ITPR3: variants seen among roughly 807,000 people sequenced by gnomAD.
ITPR3 encodes the protein inositol 1,4,5-trisphosphate receptor type 3.
Under a neutral mutation model 293.2 loss-of-function variants are expected in ITPR3, and 173 were observed. The ratio of observed to expected loss-of-function variants is 0.59; its 90% CI spans 0.52 to 0.67. The LOEUF (loss-of-function observed/expected upper bound fraction) is 0.67, where lower values mean the gene tolerates loss of function less well. Ranked by LOEUF, ITPR3 falls within the 30% of genes least tolerant of loss-of-function variation. The probability of loss-of-function intolerance (pLI) is 0.00; values close to 1 mark genes in which losing one functional copy is unlikely to be tolerated. For missense variants in ITPR3, 2,796 were observed against 3,592.1 expected (o/e 0.78, Z 5.66); for synonymous variants, 1,295 against 1,444.4 (o/e 0.90, Z 2.35).
chr6:33,623,326 G>GT (rs60711686), intron 1 of ITPR3, among the ~76,000 whole-genome samples: 24,227 of 136,842 alleles, frequency 0.18, 2,502 homozygotes, highest in Middle Eastern at 0.21. Flanking sequence ...TGTGAGTTTT[G>GT]TTTTTTTTTT....
chr6:33,682,607 C>T lies in ITPR3; in HGVS notation c.4560C>T (p.Gly1520=). The T allele has an allele frequency of 6.3e-7, 1 of 1,598,412 alleles. No individual in the cohort carries two copies. Among genetic ancestry groups the T allele is most frequent in the Non-Finnish European group, 8.5e-7 (1 of 1,173,436 alleles). Residue 1520 remains glycine, a synonymous_variant, in exon 34 of 58, where the codon GGC becomes GGT. Coordinates refer to ENST00000605930, the MANE Select transcript of ITPR3 (RefSeq NM_002224.4). The surrounding 1 kb of genome is among the most constrained non-coding windows in gnomAD (Gnocchi z 5.4). ...ECPWLQQQHK[G]SVEACIRTLA... is the part of the protein sequence containing the mutation. ...CGTGGCTACAGCAGCAGCACAAGGG[C>T]TCCGTGGAGGCCTGCATCCGGACCC...
Position 33,683,731 on chromosome 6 carries a change from G to T in ITPR3, c.4789-289G>T, listed in dbSNP as rs1765145565. ...TGCGCTGTCTCGTTGGCCTGTAGAGGGGGTGTGGTGGATTATTTTCCCCAC... is the reference window on the plus strand; with the variant it reads ...TGCGCTGTCTCGTTGGCCTGTAGAGTGGGTGTGGTGGATTATTTTCCCCAC... On this transcript the variant is annotated intron_variant, in intron 35 of 57. Transcript: ENST00000605930. The surrounding 1 kb of genome is among the most constrained non-coding windows in gnomAD (Gnocchi z 4.5). Among the ~76,000 whole-genome samples the T allele has an allele frequency of 6.6e-6, 1 of 152,194 alleles. No homozygotes were observed. The highest frequency in any genetic ancestry group is 6.5e-5 in the Admixed American group (1 of 15,280).
chr6:33,630,865 G>A (rs7769019), intron 1 of ITPR3, among the ~76,000 whole-genome samples: 141,841 of 152,356 alleles, frequency 0.93, 66,203 homozygotes, highest in East Asian at 0.98. Flanking sequence ...CTGGCCCCCC[G>A]TTGGTTGGCA....
rs376403292 is a variant in ITPR3 at position 33,695,591 on chromosome 6, G to A, written c.7948-121G>A. 4.4e-4 allele frequency: 422 copies of A among 953,110 alleles called. 6 individuals carry two copies. In the East Asian group the frequency reaches 7.2e-3, roughly 16 times the overall value. 59.0% of individuals were successfully genotyped at this position (953,110 alleles called of 1,614,324 possible). A position where few individuals can be genotyped will look rare whatever the true frequency, so the allele number is the denominator to read the frequency against. On this transcript the variant is annotated intron_variant, in intron 57 of 57. Coordinates refer to ENST00000605930, the MANE Select transcript of ITPR3 (RefSeq NM_002224.4). ...GCACCCCGAGGGGCCCTGGCCCGCC[G>A]CCAGTGCCGAATAGCAGCTGGGCCC...
chr6:33,678,798 G>A lies in ITPR3; in HGVS notation c.3931G>A (p.Gly1311Ser). 1 of 1,613,600 alleles carries A rather than the reference G, an allele frequency of 6.2e-7. No homozygotes were observed. Among genetic ancestry groups the A allele is most frequent in the Non-Finnish European group, 8.5e-7 (1 of 1,179,892 alleles). ...CCTGCACACCGTCATTAAGGCCGAGGGCAAGTACGTCAAGAAGTGCCAGGA... is the reference window on the plus strand; with the variant it reads ...CCTGCACACCGTCATTAAGGCCGAGAGCAAGTACGTCAAGAAGTGCCAGGA... ...DFLHTVIKAEGKYVKKCQDMI... is the reference protein window; with the variant it reads ...DFLHTVIKAESKYVKKCQDMI... The change falls in exon 30 of 58, where the codon GGC becomes AGC. Residue 1311 changes from glycine to serine, a missense_variant. Gly to Ser is a moderately conservative substitution (Grantham distance 56). This residue lies in a region of ITPR3 where 344 missense variants were observed against 460.3 expected (regional missense o/e 0.75). Coordinates refer to ENST00000605930, the MANE Select transcript of ITPR3 (RefSeq NM_002224.4).
chr6:33,676,992 C>A (rs1040005454), intron 26 of ITPR3, 23 bp from the exon 27 acceptor site: 1 of 1,613,942 alleles, frequency 6.2e-7, no homozygotes, highest in African/African-American at 1.3e-5. Context: ...CCTGGCTGAT[C>A]TCCTTCCTCT....
Position 33,677,713 on chromosome 6 carries a change from G to A in ITPR3, c.3648+84G>A, listed in dbSNP as rs561449232. 1.5e-4 allele frequency: 233 copies of A among 1,527,274 alleles called. 1 individual carries two copies. In the African/African-American group the frequency reaches 3.1e-3, roughly 20 times the overall value. The allele number at this position is 1,527,274 out of a possible 1,614,324, so 94.6% of individuals were successfully genotyped here. A position where few individuals can be genotyped will look rare whatever the true frequency, so the allele number is the denominator to read the frequency against. On this transcript the variant is annotated intron_variant, in intron 28 of 57. Coordinates refer to ENST00000605930, the MANE Select transcript of ITPR3 (RefSeq NM_002224.4). The stretch of plus-strand genomic sequence containing the variant: ...GACCTGTATGCTAGGCCCTAATGCA[G>A]GCAACCTCTCCCAGCCTCGCCTGGC...
rs372206046 is a variant in ITPR3, at chr6:33,682,535, G to A, written c.4488G>A (p.Thr1496=). The A allele has an allele frequency of 7.6e-5, 118 of 1,543,382 alleles. No individual in the cohort carries two copies. The highest frequency in any genetic ancestry group is 9.5e-5 in the Non-Finnish European group (109 of 1,143,288). ...GTGACTTCTTGCAGACACACCAGAC[G>A]ATTGTGGTGCAGCTGCTGCAGTCTA... is the stretch of plus-strand genomic sequence containing the variant. ...ENSTSLQTHQ[T]IVVQLLQSTT... The change falls in exon 34 of 58, where the codon ACG becomes ACA. Residue 1496 remains threonine (T), a synonymous_variant. Transcript: ENST00000605930. The surrounding 1 kb of genome is among the most constrained non-coding windows in gnomAD (Gnocchi z 5.4).
intron 40 of ITPR3, 29 bp downstream of exon 40, chr6:33,685,562 T>C (rs1294127557): frequency 6.2e-7 from 1 of 1,603,496 alleles, no homozygotes; most frequent in Admixed American, 1.7e-5. Context: ...AGGCACGGCG[T>C]GACGGGGATC....
Position 33,657,857 on chromosome 6 carries a change from G to C in ITPR3, c.283-75G>C, listed in dbSNP as rs372392252. 10 of 1,204,998 alleles carry C rather than the reference G, an allele frequency of 8.3e-6. 1 individual carries two copies. The highest frequency in any genetic ancestry group is 2.5e-5 in the South Asian group (2 of 79,524). The allele number at this position is 1,204,998 out of a possible 1,614,324, so 74.6% of individuals were successfully genotyped here. The stretch of plus-strand genomic sequence containing the variant: ...TGTTTGTGTGCATGTGTGCGTGCAT[G>C]TGTGGGGCTGGGGTATGTCTTCCTC... On this transcript the variant is annotated intron_variant, in intron 3 of 57. Transcript: ENST00000605930.
Position 33,683,204 on chromosome 6 carries a change from C to A in ITPR3, c.4598-3C>A. 1 of 1,513,626 alleles carries A rather than the reference C, an allele frequency of 6.6e-7. No individual in the cohort carries two copies. Among genetic ancestry groups the A allele is most frequent in the Admixed American group, 2.0e-5 (1 of 49,154 alleles). 93.8% of individuals were successfully genotyped at this position (1,513,626 alleles called of 1,614,324 possible). ...CTCCAGCACTCCCTCCCTTCCCACC[C>A]AGCCAAGGGCCGGGCCATCTTGCTG... On this transcript the variant is annotated splice_region_variant and splice_polypyrimidine_tract_variant and intron_variant, in intron 34 of 57. Coordinates refer to ENST00000605930, the MANE Select transcript of ITPR3 (RefSeq NM_002224.4). The surrounding 1 kb of genome is among the most constrained non-coding windows in gnomAD (Gnocchi z 4.5).
chr6:33,672,273 G>T lies in ITPR3; in HGVS notation c.2928+45G>T. 1 of 1,530,136 alleles carries T rather than the reference G, an allele frequency of 6.5e-7. No homozygotes were observed. Among genetic ancestry groups the T allele is most frequent in the Non-Finnish European group, 9.0e-7 (1 of 1,107,952 alleles). The allele number at this position is 1,530,136 out of a possible 1,614,324, so 94.8% of individuals were successfully genotyped here. On this transcript the variant is annotated intron_variant, in intron 22 of 57. Transcript: ENST00000605930. The surrounding 1 kb of genome is among the most constrained non-coding windows in gnomAD (Gnocchi z 5.0). The stretch of plus-strand genomic sequence containing the variant: ...GTGGGAGGTGTTGGGTATAGGGGGA[G>T]GGTAATGGGGCGGGTACAGGGAGGC...
rs1293916248 is a variant in ITPR3 at position 33,664,441 on chromosome 6, T to A, written c.1149-429T>A. 6.6e-6 allele frequency among the ~76,000 whole-genome samples: 1 copy of A among 152,206 alleles called. No homozygotes were observed. The highest frequency in any genetic ancestry group is 6.5e-5 in the Admixed American group (1 of 15,290). The stretch of plus-strand genomic sequence containing the variant: ...GGGTAGATGGATTTGGTATTCAGAT[T>A]GTTTTTCATTTTAGAAAGGTAAACT... On this transcript the variant is annotated intron_variant, in intron 11 of 57. Coordinates refer to ENST00000605930, the MANE Select transcript of ITPR3 (RefSeq NM_002224.4). This position sits in a 1 kb window ranked among gnomAD's most constrained non-coding sequence, Gnocchi z 4.4.
In ITPR3 at chr6:33,663,575, T is replaced by A. The variant is rs201398464; in HGVS notation, c.1005+25T>A. ...GGTGAGGAGCAAAGCAGGTCTCCAG[T>A]GAGACCATGGGCCTGCCCTGGGGGT... On this transcript the variant is annotated intron_variant, in intron 10 of 57. Coordinates refer to ENST00000605930, the MANE Select transcript of ITPR3 (RefSeq NM_002224.4). 15 of 1,602,102 alleles carry A rather than the reference T, an allele frequency of 9.4e-6. No individual in the cohort carries two copies. The Admixed American group carries it at 2.2e-4, about 24-fold the overall frequency.
At position 33,691,377 on chromosome 6, in the gene ITPR3, C is replaced by A. The variant is rs1404949800; in HGVS notation, c.7226-238C>A. On this transcript the variant is annotated intron_variant, in intron 52 of 57. Transcript: ENST00000605930. The surrounding 1 kb of genome is among the most constrained non-coding windows in gnomAD (Gnocchi z 4.9). ...CCTTGAACTGTCATTCATGTTAAAC[C>A]CAGTATTTGCAGAAACTGCCCGTGT... Among the ~76,000 whole-genome samples the A allele has an allele frequency of 6.6e-6, 1 of 152,128 alleles. No individual in the cohort carries two copies. The highest frequency in any genetic ancestry group is 1.5e-5 in the Non-Finnish European group (1 of 68,022).
chr6:33,648,066 C>CTTTTTTT (rs35776559), intron 2 of ITPR3, among the ~76,000 whole-genome samples: 6 of 130,428 alleles, frequency 4.6e-5, no homozygotes, highest in Non-Finnish European at 6.7e-5. Flanking sequence ...ATTTCTTTTT[C>CTTTTTTT]TTTTTTTTTT....
rs151148338 is a variant in ITPR3 at position 33,664,058 on chromosome 6, C to T, written c.1148+178C>T. On this transcript the variant is annotated intron_variant, in intron 11 of 57. Coordinates refer to ENST00000605930, the MANE Select transcript of ITPR3 (RefSeq NM_002224.4). The surrounding 1 kb of genome is among the most constrained non-coding windows in gnomAD (Gnocchi z 4.4). Reference sequence around the variant, plus strand: ...TCTGAGTCTGTCGGCGGCTGACCACCATTGCATGCCTGCCTGGTGCCTGGC... The same window carrying T: ...TCTGAGTCTGTCGGCGGCTGACCACTATTGCATGCCTGCCTGGTGCCTGGC... Among the ~76,000 whole-genome samples, 18 of 152,232 alleles carry T rather than the reference C, an allele frequency of 1.2e-4. No homozygotes were observed. Among genetic ancestry groups the T allele is most frequent in the Admixed American group, 2.0e-4 (3 of 15,296 alleles).
At chr6:33,623,758 C>A (rs763527253) in intron 1 of ITPR3, among the ~76,000 whole-genome samples, 41 of 152,350 alleles carry the variant, frequency 2.7e-4, no homozygotes, top group Non-Finnish European at 5.4e-4. Flanking sequence ...GCCCCAGGAA[C>A]TGCTTCCTCC....
intron 2 of ITPR3, among the ~76,000 whole-genome samples, chr6:33,650,810 AATTG>A (rs1477445015): frequency 8.0e-6 from 1 of 125,082 alleles, no homozygotes; most frequent in African/African-American, 3.0e-5. Context: ...TTTTTTTTTT[AATTG>A]ATTGAAGCAG....
Sources: allele counts gnomAD v4.1 joint callset (sites outside exome capture counted in the v4.1 genomes callset), GRCh38; gene constraint gnomAD v4.1.1; regional missense constraint gnomAD v4.1.1; non-coding constraint Gnocchi (gnomAD v3.1); transcripts MANE v1.5; gene names NCBI Gene and HGNC (gene_info 2026-07-23, HGNC 2026-07-21).